CDH12: variants seen among roughly 807,000 people sequenced by gnomAD.
CDH12 encodes cadherin 12, also known as cadherin-12.
In CDH12, 41 loss-of-function variants were observed where a neutral mutation model predicts 74.1. The observed-to-expected ratio is 0.55, with a 90% CI of 0.43 to 0.72. CDH12 has a LOEUF of 0.72. CDH12 is among the 30% of genes least tolerant of loss of function. The pLI, the probability that CDH12 is intolerant of heterozygous loss-of-function variation, is 0.00. For missense variants in CDH12, 945 were observed against 977.2 expected (o/e 0.97, Z 0.44); for synonymous variants, 399 against 355.0 (o/e 1.12, Z -1.39).
chr5:22,071,043 T>C (rs1390996479), intron 5 of CDH12, among the ~76,000 whole-genome samples: 1 of 152,100 alleles, frequency 6.6e-6, no homozygotes, highest in East Asian at 1.9e-4. Flanking sequence ...ACCTAGGTGA[T>C]GGATTGATAG....
At chr5:21,892,229 A>C (rs2150045265) in intron 6 of CDH12, among the ~76,000 whole-genome samples, 1 of 152,204 alleles carries the variant, frequency 6.6e-6, no homozygotes, top group Non-Finnish European at 1.5e-5. Context: ...TTGTTTATTA[A>C]TTGATATGCA....
At chr5:21,914,487 G>T (rs932066021) in intron 6 of CDH12, among the ~76,000 whole-genome samples, 1 of 152,098 alleles carries the variant, frequency 6.6e-6, no homozygotes, top group Non-Finnish European at 1.5e-5. Context: ...TACATACAGT[G>T]TATATATACA....
At chr5:22,720,272 C>A (rs187729515) in intron 1 of CDH12, among the ~76,000 whole-genome samples, 1 of 152,098 alleles carries the variant, frequency 6.6e-6, no homozygotes. Flanking sequence ...TCACAATATC[C>A]GATGGTTTTT....
intron 1 of CDH12, among the ~76,000 whole-genome samples, chr5:22,568,299 C>T (rs1323562231): frequency 1.3e-5 from 2 of 152,086 alleles, no homozygotes; most frequent in South Asian, 4.1e-4. Context: ...TAGCTCAGTG[C>T]TTATAAAAAG....
chr5:22,525,738 G>A (rs1737243246), intron 1 of CDH12, among the ~76,000 whole-genome samples: 1 of 152,044 alleles, frequency 6.6e-6, no homozygotes, highest in Non-Finnish European at 1.5e-5. Flanking sequence ...CTACTTGTGG[G>A]TACTGGGTAG....
intron 1 of CDH12, among the ~76,000 whole-genome samples, chr5:22,821,866 A>C (rs1445165882): frequency 1.3e-5 from 2 of 151,540 alleles, no homozygotes; most frequent in Non-Finnish European, 3.0e-5. Context: ...TTCTTCACAG[A>C]ATTGGAAAAA....
chr5:21,846,560 TG>T (rs1386385895), intron 7 of CDH12, among the ~76,000 whole-genome samples: 1 of 152,156 alleles, frequency 6.6e-6, no homozygotes, highest in East Asian at 1.9e-4. Flanking sequence ...TATTATTTTG[TG>T]ATATCTTTTC....
chr5:22,349,934 T>C (rs1288330173), intron 3 of CDH12, among the ~76,000 whole-genome samples: 1 of 152,132 alleles, frequency 6.6e-6, no homozygotes, highest in Non-Finnish European at 1.5e-5. Flanking sequence ...GATTAAACAA[T>C]AGAATAAATA....
chr5:22,575,794 A>G (rs1442536813), intron 1 of CDH12, among the ~76,000 whole-genome samples: 1 of 151,882 alleles, frequency 6.6e-6, no homozygotes, highest in Non-Finnish European at 1.5e-5. Context: ...TGAACACCTG[A>G]CCTCAAGCGA....
chr5:22,063,908 C>T (rs986057937), intron 5 of CDH12, among the ~76,000 whole-genome samples: 2 of 151,810 alleles, frequency 1.3e-5, no homozygotes, highest in Non-Finnish European at 2.9e-5. Context: ...GCAGATCGGA[C>T]ATGCTCCTTC....
intron 5 of CDH12, among the ~76,000 whole-genome samples, chr5:22,055,981 G>A (rs1001924586): frequency 1.3e-5 from 2 of 152,040 alleles, no homozygotes; most frequent in Non-Finnish European, 2.9e-5. Context: ...AAACATTGAT[G>A]TTCTAAAATA....
At chr5:22,530,015 C>A (rs1475945973) in intron 1 of CDH12, among the ~76,000 whole-genome samples, 1 of 152,022 alleles carries the variant, frequency 6.6e-6, no homozygotes, top group Non-Finnish European at 1.5e-5. Context: ...GCTTAGGATT[C>A]CAGTTTTACA....
intron 1 of CDH12, among the ~76,000 whole-genome samples, chr5:22,597,174 C>A (rs374662418): frequency 6.6e-6 from 1 of 152,200 alleles, no homozygotes; most frequent in East Asian, 1.9e-4. Context: ...AACTTGCCCT[C>A]TGTTCAGCAA....
intron 1 of CDH12, among the ~76,000 whole-genome samples, chr5:22,781,854 A>G (rs539653747): frequency 6.6e-6 from 1 of 152,284 alleles, no homozygotes; most frequent in East Asian, 1.9e-4. Context: ...GGTACTCAAG[A>G]CCTTGGGAGT....
rs569764007 is a variant in CDH12, at chr5:22,830,508, T to A, written c.-523+22550A>T. Among the ~76,000 whole-genome samples the A allele has an allele frequency of 1.8e-3, 280 of 151,932 alleles. 1 individual carries two copies. The highest frequency in any genetic ancestry group is 3.3e-3 in the Non-Finnish European group (225 of 67,852). ...AATGATCTGTTATAATTAATATATA[T>A]AATTAGAAAAAGGAGGCACTTTCTG... is the stretch of plus-strand genomic sequence containing the variant. On this transcript the variant is annotated intron_variant, in intron 1 of 14. Coordinates refer to ENST00000382254, the MANE Select transcript of CDH12 (RefSeq NM_004061.5).
chr5:22,509,387 G>T (rs143211372), intron 1 of CDH12, among the ~76,000 whole-genome samples: 1 of 152,272 alleles, frequency 6.6e-6, no homozygotes, highest in East Asian at 1.9e-4. Flanking sequence ...ATTTTCTAAA[G>T]TCAAAAGCAA....
chr5:22,180,486 TGA>T (rs1561194936), intron 4 of CDH12, among the ~76,000 whole-genome samples: 3 of 115,242 alleles, frequency 2.6e-5, no homozygotes, highest in Middle Eastern at 4.4e-3. Flanking sequence ...TCACAGTTTT[TGA>T]TTTTTTTTTG....
At chr5:22,153,899 T>C (rs1185657687) in intron 4 of CDH12, among the ~76,000 whole-genome samples, 3,856 of 55,140 alleles carry the variant, frequency 0.07, 151 homozygotes, top group African/African-American at 0.13. Context: ...AATATATATA[T>C]ATATACACAC....
chr5:22,801,581 A>C (rs2126418051), intron 1 of CDH12, among the ~76,000 whole-genome samples: 1 of 146,470 alleles, frequency 6.8e-6, no homozygotes, highest in Middle Eastern at 3.7e-3. Context: ...TAACAAACTT[A>C]ACATTTCACT....
Sources: allele counts gnomAD v4.1 joint callset (sites outside exome capture counted in the v4.1 genomes callset), GRCh38; gene constraint gnomAD v4.1.1; transcripts MANE v1.5; gene names NCBI Gene and HGNC (gene_info 2026-07-23, HGNC 2026-07-21).